Variants in ARHGAP15 observed in about 807,000 individuals in gnomAD.
ARHGAP15 encodes the protein rho GTPase-activating protein 15.
Under a neutral mutation model 63.7 loss-of-function variants are expected in ARHGAP15, and 51 were observed. The ratio of observed to expected loss-of-function variants is 0.80; its 90% CI spans 0.64 to 1.01. The LOEUF is 1.01. Ranked by LOEUF, ARHGAP15 falls within the 50% of genes least tolerant of loss-of-function variation. The probability of loss-of-function intolerance (pLI) is 0.00; values close to 1 mark genes in which losing one functional copy is unlikely to be tolerated. For synonymous variants in ARHGAP15, 191 were observed against 193.8 expected (o/e 0.99, Z 0.12); for missense variants, 560 against 564.6 (o/e 0.99, Z 0.08).
At chr2:143,209,427 C>T (rs1450988493) in intron 3 of ARHGAP15, among the ~76,000 whole-genome samples, 1 of 151,998 alleles carries the variant, frequency 6.6e-6, no homozygotes, top group Non-Finnish European at 1.5e-5. Flanking sequence ...CTGTGCTAGG[C>T]TTGGAATATG....
chr2:143,642,779 T>C (rs998354141), intron 12 of ARHGAP15, among the ~76,000 whole-genome samples: 2 of 152,082 alleles, frequency 1.3e-5, no homozygotes, highest in African/African-American at 4.8e-5. Flanking sequence ...ATTAAGAGTA[T>C]ATGGAGTTTG....
chr2:143,318,509 C>CTT (rs535910161), intron 6 of ARHGAP15, among the ~76,000 whole-genome samples: 5,197 of 55,586 alleles, frequency 0.093, 1,181 homozygotes, highest in Non-Finnish European at 0.11. Context: ...GATTAAGGGC[C>CTT]TTTTTTTTTT....
chr2:143,428,639 A>G (rs1689236680), intron 6 of ARHGAP15, among the ~76,000 whole-genome samples: 1 of 152,168 alleles, frequency 6.6e-6, no homozygotes. Flanking sequence ...AACTGTAAAC[A>G]TACATAATGT....
intron 6 of ARHGAP15, among the ~76,000 whole-genome samples, chr2:143,298,601 A>C (rs1682754508): frequency 6.6e-6 from 1 of 151,930 alleles, no homozygotes; most frequent in Non-Finnish European, 1.5e-5. Context: ...ATCCACACAA[A>C]CTGAGTGTCT....
intron 12 of ARHGAP15, among the ~76,000 whole-genome samples, chr2:143,678,988 A>AC (rs1682962756): frequency 6.6e-6 from 1 of 152,204 alleles, no homozygotes; most frequent in African/African-American, 2.4e-5. Flanking sequence ...CTCTTATGCC[A>AC]CCAATAACAT....
chr2:143,565,734 A>T (rs1321421042), intron 11 of ARHGAP15, among the ~76,000 whole-genome samples: 1 of 152,206 alleles, frequency 6.6e-6, no homozygotes, highest in Admixed American at 6.5e-5. Context: ...TCTTGTTAGT[A>T]ATTGAACATG....
intron 12 of ARHGAP15, among the ~76,000 whole-genome samples, chr2:143,673,758 G>GTGTGTGTGTGTGTATATA (rs1553520615): frequency 3.6e-4 from 8 of 22,126 alleles, no homozygotes; most frequent in African/African-American, 5.7e-4. Context: ...GTGTGTGTGT[G>GTGTGTGTGTGTGTATATA]TATATATATA....
intron 6 of ARHGAP15, among the ~76,000 whole-genome samples, chr2:143,268,455 G>C (rs1166259984): frequency 6.6e-6 from 1 of 152,098 alleles, no homozygotes; most frequent in Admixed American, 6.5e-5. Flanking sequence ...TGTTAGAAAA[G>C]AATGGGAAAT....
intron 6 of ARHGAP15, among the ~76,000 whole-genome samples, chr2:143,400,580 A>G (rs548300334): frequency 6.6e-6 from 1 of 152,160 alleles, no homozygotes; most frequent in African/African-American, 2.4e-5. Flanking sequence ...AAGGTAGGAT[A>G]CACATGCAAA....
intron 11 of ARHGAP15, among the ~76,000 whole-genome samples, chr2:143,563,006 A>G (rs1486008679): frequency 1.3e-5 from 2 of 152,210 alleles, no homozygotes; most frequent in Non-Finnish European, 2.9e-5. Context: ...GTACCAACCA[A>G]TAATGAACTG....
At chr2:143,694,001 ATAAT>A (rs937028984) in intron 12 of ARHGAP15, among the ~76,000 whole-genome samples, 4 of 152,220 alleles carry the variant, frequency 2.6e-5, no homozygotes, top group African/African-American at 4.8e-5. Flanking sequence ...AGAAGAGAGA[ATAAT>A]TATTTTTTTT....
intron 6 of ARHGAP15, among the ~76,000 whole-genome samples, chr2:143,321,053 TACCCCTGG>T (rs1334465497): frequency 6.6e-6 from 1 of 152,084 alleles, no homozygotes; most frequent in Non-Finnish European, 1.5e-5. Flanking sequence ...TAGTCATGGG[TACCCCTGG>T]ATGCCTGGAT....
At chr2:143,415,430 A>T (rs1688632804) in intron 6 of ARHGAP15, among the ~76,000 whole-genome samples, 1 of 152,166 alleles carries the variant, frequency 6.6e-6, no homozygotes, top group Admixed American at 6.5e-5. Flanking sequence ...AGCACCTCGA[A>T]ATGCATAAGA....
rs1434115686 is a variant in ARHGAP15 at position 143,673,761 on chromosome 2, T to TATA, written c.1139-29657_1139-29655dup. Among the ~76,000 whole-genome samples, 4 of 84,094 alleles carry TATA rather than the reference T, an allele frequency of 4.8e-5. 1 individual carries two copies. In the East Asian group the frequency reaches 1.9e-3, roughly 39 times the overall value. 55.2% of individuals were successfully genotyped at this position (84,094 alleles called of 152,430 possible). A position where few individuals can be genotyped will look rare whatever the true frequency, so the allele number is the denominator to read the frequency against. On this transcript the variant is annotated intron_variant, in intron 12 of 13. Transcript: ENST00000295095. ...GTGTGTGTGTGTGTGTGTGTGTGTA[T>TATA]ATATATATATATATATATATATAAA...
chr2:143,560,668 A>G (rs1295240946), intron 11 of ARHGAP15, among the ~76,000 whole-genome samples: 8 of 152,174 alleles, frequency 5.3e-5, no homozygotes, highest in Admixed American at 5.2e-4. Flanking sequence ...GATGAGTACT[A>G]CCGTTGGAGT....
intron 6 of ARHGAP15, among the ~76,000 whole-genome samples, chr2:143,279,747 A>T (rs1284928961): frequency 6.6e-6 from 1 of 152,148 alleles, no homozygotes; most frequent in Non-Finnish European, 1.5e-5. Context: ...TTTATTGGAC[A>T]TTGAACACTT....
chr2:143,762,048 A>G (rs1222730698), intron 13 of ARHGAP15, among the ~76,000 whole-genome samples: 1 of 152,086 alleles, frequency 6.6e-6, no homozygotes, highest in African/African-American at 2.4e-5. Flanking sequence ...ACTAAGCAGT[A>G]TAAATAAATA....
chr2:143,304,631 T>C (rs1452271019), intron 6 of ARHGAP15, among the ~76,000 whole-genome samples: 5 of 152,080 alleles, frequency 3.3e-5, no homozygotes, highest in African/African-American at 7.2e-5. Flanking sequence ...GAGTTTTGCA[T>C]TCATCTTTAG....
At chr2:143,634,659 G>A (rs1317585679) in intron 12 of ARHGAP15, among the ~76,000 whole-genome samples, 1 of 152,074 alleles carries the variant, frequency 6.6e-6, no homozygotes, top group Non-Finnish European at 1.5e-5. Flanking sequence ...GTCTTAAAGC[G>A]GCCATCTTCA....
Sources: allele counts gnomAD v4.1 joint callset (sites outside exome capture counted in the v4.1 genomes callset), GRCh38; gene constraint gnomAD v4.1.1; transcripts MANE v1.5; gene names NCBI Gene and HGNC (gene_info 2026-07-23, HGNC 2026-07-21).